The following CDH2 variants were observed in gnomAD, a reference collection of about 807,000 sequenced individuals.
CDH2 encodes the protein cadherin 2.
CDH2 carries 17 observed loss-of-function variants against 92.0 expected under a neutral mutation model. That is an observed-to-expected ratio of 0.18 (90% CI 0.13 to 0.28). The LOEUF is 0.28. Ranked by LOEUF, CDH2 falls within the 10% of genes least tolerant of loss-of-function variation. The pLI, the probability that CDH2 is intolerant of heterozygous loss-of-function variation, is 1.00. For synonymous variants in CDH2, 419 were observed against 415.9 expected (o/e 1.01, Z -0.09); for missense variants, 862 against 1,133.1 (o/e 0.76, Z 3.44).
chr18:28,146,998 T>C (rs1000977926), intron 2 of CDH2, among the ~76,000 whole-genome samples: 13 of 152,272 alleles, frequency 8.5e-5, no homozygotes, highest in African/African-American at 3.1e-4. Flanking sequence ...AGTTTTCCTT[T>C]TGATACTTAG....
At chr18:28,036,514 G>A (rs2013833021) in intron 2 of CDH2, 1 of 1,607,348 alleles carries the variant, frequency 6.2e-7, no homozygotes, top group South Asian at 1.1e-5. Flanking sequence ...TAATTTCTCA[G>A]TGAAGATACA....
At chr18:27,972,991 T>G (rs1195923027) in intron 14 of CDH2, among the ~76,000 whole-genome samples, 1 of 152,114 alleles carries the variant, frequency 6.6e-6, no homozygotes, top group African/African-American at 2.4e-5. Context: ...GAGAGTGTGG[T>G]ACAGGTGTGC....
At chr18:28,014,900 T>C (rs2013200406) in intron 2 of CDH2, among the ~76,000 whole-genome samples, 1 of 152,306 alleles carries the variant, frequency 6.6e-6, no homozygotes, top group East Asian at 1.9e-4. Flanking sequence ...AAGTCCTTAA[T>C]TGTTCTTTCT....
intron 2 of CDH2, among the ~76,000 whole-genome samples, chr18:28,053,111 C>T (rs1266987071): frequency 2.0e-5 from 3 of 152,026 alleles, no homozygotes; most frequent in African/African-American, 7.2e-5. Context: ...CCTGCTGGCA[C>T]CTTGATCTCA....
At chr18:28,036,532 C>T (rs908878655) in intron 2 of CDH2, 12 of 1,606,332 alleles carry the variant, frequency 7.5e-6, no homozygotes, top group Admixed American at 1.7e-5. Flanking sequence ...ACACACATAA[C>T]GCCTTAATAA....
intron 2 of CDH2, among the ~76,000 whole-genome samples, chr18:28,052,165 A>G (rs1362856863): frequency 6.6e-6 from 1 of 152,196 alleles, no homozygotes; most frequent in African/African-American, 2.4e-5. Flanking sequence ...TCCCAGCTCT[A>G]GAGTACATTT....
chr18:27,958,149 T>C (rs1299033144), intron 15 of CDH2, among the ~76,000 whole-genome samples: 14 of 152,198 alleles, frequency 9.2e-5, no homozygotes, highest in Admixed American at 9.2e-4. Flanking sequence ...GGCAAGGATC[T>C]TGACCTTGTA....
chr18:27,980,794 CAAA>C (rs777659826), intron 14 of CDH2, among the ~76,000 whole-genome samples: 21 of 74,998 alleles, frequency 2.8e-4, no homozygotes, highest in South Asian at 5.0e-4. Context: ...TGGCTGGGGT[CAAA>C]AAAAAAAAAA....
At position 28,038,813 on chromosome 18, in the gene CDH2, C is replaced by T. The variant is rs1045665715; in HGVS notation, c.173-24904G>A. 9.9e-5 allele frequency among the ~76,000 whole-genome samples: 15 copies of T among 151,922 alleles called. 1 individual carries two copies. Among genetic ancestry groups the T allele is most frequent in the African/African-American group, 3.1e-4 (13 of 41,364 alleles). On this transcript the variant is annotated intron_variant, in intron 2 of 15. Transcript: ENST00000269141. ...GGATCTTTGATAATTTGTGTGTTTC[C>T]TCTGCACCACATTCTAATTTGCTAC...
intron 11 of CDH2, 105 bp downstream of exon 11, chr18:27,988,419 C>T (rs2012302953): frequency 1.1e-6 from 1 of 929,902 alleles, no homozygotes. Context: ...TTATAAAAGT[C>T]AGTTTTCCAG....
At chr18:28,162,721 C>T (rs1030157436) in intron 1 of CDH2, among the ~76,000 whole-genome samples, 6 of 152,132 alleles carry the variant, frequency 3.9e-5, no homozygotes, top group African/African-American at 9.7e-5. Flanking sequence ...AGGAACTGGC[C>T]GAGTTGTTAT....
intron 2 of CDH2, among the ~76,000 whole-genome samples, chr18:28,084,410 T>A (rs1249770961): frequency 6.6e-6 from 1 of 152,130 alleles, no homozygotes; most frequent in Non-Finnish European, 1.5e-5. Context: ...GTCACCACCA[T>A]TTCAGGAGTT....
At position 28,172,078 on chromosome 18, in the gene CDH2, T is replaced by G. The variant is rs73402073; in HGVS notation, c.60+4885A>C. On this transcript the variant is annotated intron_variant, in intron 1 of 15. Transcript: ENST00000269141. The stretch of plus-strand genomic sequence containing the variant: ...AGCAGTCCTCAACATACATTTGGGG[T>G]GTGTGTGTGTGTGTGTGTGTGTGTG... 5.0e-3 allele frequency among the ~76,000 whole-genome samples: 673 copies of G among 133,936 alleles called. 4 individuals are homozygous for G. The highest frequency in any genetic ancestry group is 0.019 in the African/African-American group (603 of 31,312). The allele number at this position is 133,936 out of a possible 152,430, so 87.9% of individuals were successfully genotyped here.
intron 2 of CDH2, among the ~76,000 whole-genome samples, chr18:28,037,808 T>C (rs2013866148): frequency 6.6e-6 from 1 of 152,030 alleles, no homozygotes; most frequent in South Asian, 2.1e-4. Flanking sequence ...AAATTACAAA[T>C]GAAAACCTAA....
intron 15 of CDH2, among the ~76,000 whole-genome samples, chr18:27,952,769 A>G (rs943868717): frequency 6.6e-6 from 1 of 152,206 alleles, no homozygotes; most frequent in Non-Finnish European, 1.5e-5. Flanking sequence ...AGACACACAA[A>G]TGAGTACCAT....
chr18:28,153,557 G>A lies in CDH2; in HGVS notation c.61-5773C>T, dbSNP rs971391531. On this transcript the variant is annotated intron_variant, in intron 1 of 15. Transcript: ENST00000269141. ...CAGGGGCAACACCCCCCAACCCCCC[G>A]GGGCCCTAAGCCCTGGGCTCTTAAG... Among the ~76,000 whole-genome samples the A allele has an allele frequency of 1.5e-4, 23 of 152,258 alleles. No individual in the cohort carries two copies. The East Asian group carries it at 3.7e-3, about 24-fold the overall frequency.
At chr18:28,160,161 T>C (rs1239019615) in intron 1 of CDH2, among the ~76,000 whole-genome samples, 3 of 141,658 alleles carry the variant, frequency 2.1e-5, no homozygotes, top group Non-Finnish European at 4.7e-5. Flanking sequence ...GAGAAAAAAA[T>C]AAAAAAAAAA....
At chr18:28,010,442 C>G (rs2013062336) in intron 4 of CDH2, among the ~76,000 whole-genome samples, 1 of 152,066 alleles carries the variant, frequency 6.6e-6, no homozygotes, top group African/African-American at 2.4e-5. Flanking sequence ...TAATAAAGCA[C>G]AAAAGAAAGC....
intron 6 of CDH2, among the ~76,000 whole-genome samples, chr18:27,941,033 CTT>C (rs59212895): frequency 1.7e-4 from 21 of 124,584 alleles, no homozygotes; most frequent in Middle Eastern, 4.1e-3. Context: ...TAAGTAGCAC[CTT>C]TTTTTTTTTT....
Sources: allele counts gnomAD v4.1 joint callset (sites outside exome capture counted in the v4.1 genomes callset), GRCh38; gene constraint gnomAD v4.1.1; transcripts MANE v1.5; gene names NCBI Gene and HGNC (gene_info 2026-07-23, HGNC 2026-07-21).